RANBP2: variants seen among roughly 807,000 people sequenced by gnomAD.
The protein encoded by RANBP2 is E3 SUMO-protein ligase RanBP2.
Under a neutral mutation model 303.6 loss-of-function variants are expected in RANBP2, and 57 were observed. The ratio of observed to expected loss-of-function variants is 0.19; its 90% CI spans 0.15 to 0.23. The LOEUF is 0.23. Among genes scored for constraint, RANBP2 ranks in the 10% least tolerant of loss-of-function variants. The probability of loss-of-function intolerance (pLI) is 1.00; values close to 1 mark genes in which losing one functional copy is unlikely to be tolerated. For synonymous variants in RANBP2, 1,167 were observed against 1,301.5 expected (o/e 0.90, Z 2.23); for missense variants, 3,138 against 3,780.8 (o/e 0.83, Z 4.46).
At chr2:109,375,721 G>T in the RANBP2 span, among the ~76,000 whole-genome samples, 107 of 152,338 alleles carry the variant, frequency 7.0e-4, no homozygotes, top group East Asian at 0.016. Context: ...TGAGTGCCGG[G>T]GCTGAGCACC....
chr2:109,088,554 C>T, the RANBP2 span, among the ~76,000 whole-genome samples: 2 of 151,802 alleles, frequency 1.3e-5, no homozygotes, highest in African/African-American at 4.8e-5. Context: ...ACTTTGTCTC[C>T]CAGGCTGGAG....
chr2:109,155,250 T>C, the RANBP2 span, among the ~76,000 whole-genome samples: 1 of 152,250 alleles, frequency 6.6e-6, no homozygotes, highest in South Asian at 2.1e-4. Flanking sequence ...TTATAGTATT[T>C]GTGGAATAAT....
the RANBP2 span, among the ~76,000 whole-genome samples, chr2:109,259,194 T>C: frequency 6.6e-6 from 1 of 152,358 alleles, no homozygotes; most frequent in South Asian, 2.1e-4. Flanking sequence ...ATCCATAAAG[T>C]GTAGGCTTCT....
the RANBP2 span, among the ~76,000 whole-genome samples, chr2:109,085,364 C>T: frequency 2.4e-4 from 37 of 152,096 alleles, no homozygotes; most frequent in Non-Finnish European, 4.9e-4. Flanking sequence ...AGTGCAGTGG[C>T]GCAATCTCGG....
chr2:109,603,130 A>T, the RANBP2 span, among the ~76,000 whole-genome samples: 1 of 152,120 alleles, frequency 6.6e-6, no homozygotes, highest in African/African-American at 2.4e-5. Flanking sequence ...GTTGACAGGA[A>T]CATCTGGGAA....
At chr2:109,080,106 G>A in the RANBP2 span, among the ~76,000 whole-genome samples, 2 of 152,250 alleles carry the variant, frequency 1.3e-5, no homozygotes, top group Non-Finnish European at 2.9e-5. Flanking sequence ...CAGTGACAGA[G>A]GAGGGAAAAG....
At chr2:108,762,896 A>G (rs1407716875) in intron 19 of RANBP2, among the ~76,000 whole-genome samples, 1 of 152,178 alleles carries the variant, frequency 6.6e-6, no homozygotes, top group Non-Finnish European at 1.5e-5. Flanking sequence ...AGATTTTAAG[A>G]TGCTATACAT....
At chr2:108,967,079 C>T in the RANBP2 span, among the ~76,000 whole-genome samples, 8 of 152,180 alleles carry the variant, frequency 5.3e-5, no homozygotes, top group Non-Finnish European at 8.8e-5. Flanking sequence ...GGATTACAGG[C>T]ACCCGCTACC....
the RANBP2 span, among the ~76,000 whole-genome samples, chr2:109,459,475 G>C: frequency 4.6e-5 from 7 of 152,116 alleles, no homozygotes; most frequent in African/African-American, 1.7e-4. Flanking sequence ...TGTCTGGATT[G>C]GGTGGTTATA....
the RANBP2 span, among the ~76,000 whole-genome samples, chr2:108,827,127 T>A: frequency 6.6e-6 from 1 of 152,166 alleles, no homozygotes; most frequent in Non-Finnish European, 1.5e-5. Flanking sequence ...TTAACATTAT[T>A]CTAAAGCAAA....
the RANBP2 span, among the ~76,000 whole-genome samples, chr2:109,458,410 TTC>T: frequency 2.6e-5 from 4 of 152,174 alleles, no homozygotes; most frequent in African/African-American, 4.8e-5. Flanking sequence ...CTCTTATTTA[TTC>T]TCTCTTTCAC....
intron 8 of RANBP2, 116 bp from the exon 9 acceptor site, chr2:108,748,804 A>T: frequency 1.3e-6 from 2 of 1,593,118 alleles, no homozygotes; most frequent in Non-Finnish European, 1.7e-6. Flanking sequence ...TTTGGGTTGG[A>T]GGGTTAGGTA....
At chr2:109,339,869 C>A in the RANBP2 span, among the ~76,000 whole-genome samples, 1 of 152,204 alleles carries the variant, frequency 6.6e-6, no homozygotes, top group African/African-American at 2.4e-5. Flanking sequence ...CTGCCCTTTC[C>A]CTTCCATAAT....
intron 23 of RANBP2, among the ~76,000 whole-genome samples, chr2:108,773,971 A>G (rs1452552127): frequency 6.6e-6 from 1 of 152,186 alleles, no homozygotes; most frequent in Non-Finnish European, 1.5e-5. Context: ...GATGTACACA[A>G]GTGAATTCTA....
the RANBP2 span, among the ~76,000 whole-genome samples, chr2:109,601,584 T>C: frequency 4.1e-4 from 62 of 152,346 alleles, no homozygotes; most frequent in African/African-American, 1.4e-3. Flanking sequence ...ACTCCTTCTT[T>C]GTTTCTCTTA....
the RANBP2 span, among the ~76,000 whole-genome samples, chr2:109,242,219 G>C: frequency 4.6e-5 from 7 of 151,972 alleles, no homozygotes; most frequent in African/African-American, 1.5e-4. Flanking sequence ...TCTCAACTTT[G>C]GTAGCACCTT....
chr2:109,316,449 G>T, the RANBP2 span, among the ~76,000 whole-genome samples: 1 of 152,200 alleles, frequency 6.6e-6, no homozygotes, highest in African/African-American at 2.4e-5. Context: ...ATGTCAGTGT[G>T]ATCTTCACTA....
At chr2:109,466,047 A>G in the RANBP2 span, among the ~76,000 whole-genome samples, 4 of 141,474 alleles carry the variant, frequency 2.8e-5, no homozygotes, top group African/African-American at 5.2e-5. Context: ...GCATCTTTTC[A>G]TATGCTTATC....
At chr2:109,551,905 C>T in the RANBP2 span, among the ~76,000 whole-genome samples, 1 of 152,102 alleles carries the variant, frequency 6.6e-6, no homozygotes, top group Admixed American at 6.5e-5. Context: ...TTTTTTGGTG[C>T]CAGGGCTACC....
Sources: gnomAD v4.1 joint callset for allele counts (sites outside exome capture counted in the v4.1 genomes callset) on GRCh38, gnomAD v4.1.1 for gene constraint, MANE v1.5 for transcripts, NCBI Gene and HGNC (gene_info 2026-07-23, HGNC 2026-07-21) for gene names.